Variants in HCRTR2 observed in about 807,000 individuals in gnomAD.
HCRTR2 encodes orexin receptor type 2.
Under a neutral mutation model 49.0 loss-of-function variants are expected in HCRTR2, and 22 were observed. The ratio of observed to expected loss-of-function variants is 0.45; its 90% confidence interval spans 0.32 to 0.64. HCRTR2 has a LOEUF of 0.64. Among genes scored for constraint, HCRTR2 ranks in the 30% least tolerant of loss-of-function variants. The pLI is 0.04. For synonymous variants in HCRTR2, 236 were observed against 205.3 expected, an observed-to-expected ratio of 1.15 and a Z score of -1.28; for missense variants, 491 against 559.4, an observed-to-expected ratio of 0.88 and a Z score of 1.23.
At chr6:55,220,923 A>G (rs1765877637) in intron 1 of HCRTR2, among the ~76,000 whole-genome samples, 1 of 152,196 alleles carries the variant, frequency 6.6e-6, no homozygotes, top group African/African-American at 2.4e-5. Context: ...AACTCTCTGA[A>G]AAAGACATTA....
intron 1 of HCRTR2, among the ~76,000 whole-genome samples, chr6:55,202,536 G>A (rs963766372): frequency 1.3e-5 from 2 of 152,122 alleles, no homozygotes; most frequent in African/African-American, 4.8e-5. Flanking sequence ...TTTGGAGACT[G>A]GGAAGTCCAA....
chr6:55,145,511 T>C (rs549405007), intron 1 of HCRTR2, among the ~76,000 whole-genome samples: 26 of 151,726 alleles, frequency 1.7e-4, no homozygotes, highest in East Asian at 1.4e-3. Flanking sequence ...CCCGGGTTCA[T>C]GCCATTCTCC....
chr6:55,213,762 C>T (rs956553728), intron 1 of HCRTR2, among the ~76,000 whole-genome samples: 4 of 152,138 alleles, frequency 2.6e-5, no homozygotes, highest in African/African-American at 9.7e-5. Flanking sequence ...TAGCTTCCGT[C>T]ATGCCTAAAT....
chr6:55,233,151 C>A (rs1374872250), intron 1 of HCRTR2, among the ~76,000 whole-genome samples: 1 of 151,194 alleles, frequency 6.6e-6, no homozygotes, highest in Non-Finnish European at 1.5e-5. Context: ...TGCAATGGTG[C>A]AATCTCAGCT....
intron 1 of HCRTR2, among the ~76,000 whole-genome samples, chr6:55,226,422 C>A (rs1766005455): frequency 1.3e-5 from 2 of 152,152 alleles, no homozygotes; most frequent in African/African-American, 4.8e-5. Flanking sequence ...GATTCTCCTG[C>A]CTCATCCTCC....
In HCRTR2 at chr6:55,198,284, A is replaced by G. The variant is rs1433397088; in HGVS notation, c.223+23474A>G. Among the ~76,000 whole-genome samples, 9 of 152,200 alleles carry G rather than the reference A, an allele frequency of 5.9e-5. No individual in the cohort carries two copies. In the East Asian group the frequency reaches 1.2e-3, roughly 20 times the overall value. ...ACTAACTCCAAACTTATCTTTAACT[A>G]TATCTCCAACCCTAACCCTAACATT... is the stretch of plus-strand genomic sequence containing the variant. On this transcript the variant is annotated intron_variant, in intron 1 of 6. Coordinates refer to ENST00000370862, the MANE Select transcript of HCRTR2 (RefSeq NM_001384272.1).
intron 1 of HCRTR2, among the ~76,000 whole-genome samples, chr6:55,162,372 C>T (rs561162729): frequency 2.6e-5 from 4 of 152,176 alleles, no homozygotes; most frequent in East Asian, 1.9e-4. Context: ...CAAACCCATA[C>T]CCAATATCAT....
chr6:55,262,267 A>C (rs1292962446), intron 3 of HCRTR2, among the ~76,000 whole-genome samples: 2 of 148,330 alleles, frequency 1.3e-5, no homozygotes, highest in Admixed American at 7.0e-5. Flanking sequence ...CGGAATAAAA[A>C]ATTAAAAAAA....
chr6:55,202,168 T>G (rs1305339388), intron 1 of HCRTR2, among the ~76,000 whole-genome samples: 1 of 152,196 alleles, frequency 6.6e-6, no homozygotes, highest in East Asian at 1.9e-4. Context: ...CTAAAACAGC[T>G]TTGGTGATCT....
chr6:55,193,603 A>G (rs150112411), intron 1 of HCRTR2, among the ~76,000 whole-genome samples: 42 of 151,710 alleles, frequency 2.8e-4, no homozygotes, highest in African/African-American at 9.4e-4. Flanking sequence ...TAGCAAACCA[A>G]AATTTATGGG....
At chr6:55,148,153 AAG>A (rs750536598) in intron 1 of HCRTR2, among the ~76,000 whole-genome samples, 2 of 152,152 alleles carry the variant, frequency 1.3e-5, no homozygotes, top group African/African-American at 2.4e-5. Context: ...CTAATATTGA[AAG>A]AGTGTTTAAA....
chr6:55,247,879 T>C (rs1283337540), intron 1 of HCRTR2, among the ~76,000 whole-genome samples: 2 of 152,118 alleles, frequency 1.3e-5, no homozygotes, highest in Non-Finnish European at 2.9e-5. Flanking sequence ...CTGGAACTTA[T>C]ATGTACTTTA....
chr6:55,140,514 C>T (rs972440283), intron 1 of HCRTR2, among the ~76,000 whole-genome samples: 4 of 152,138 alleles, frequency 2.6e-5, no homozygotes, highest in Admixed American at 2.0e-4. Flanking sequence ...GGAGAAATCC[C>T]TTTTGAAAAT....
At chr6:55,199,917 T>C (rs529948774) in intron 1 of HCRTR2, among the ~76,000 whole-genome samples, 178 of 152,314 alleles carry the variant, frequency 1.2e-3, no homozygotes, top group African/African-American at 4.2e-3. Context: ...ATGTGCCCAG[T>C]ACCTGAATGA....
At chr6:55,270,838 T>C (rs1208785050) in intron 4 of HCRTR2, among the ~76,000 whole-genome samples, 4 of 152,164 alleles carry the variant, frequency 2.6e-5, no homozygotes, top group African/African-American at 7.2e-5. Flanking sequence ...ATAAGGGATA[T>C]TCAATCGGTA....
intron 1 of HCRTR2, among the ~76,000 whole-genome samples, chr6:55,118,558 A>G (rs559892324): frequency 6.6e-6 from 1 of 152,006 alleles, no homozygotes. Flanking sequence ...CCGTGCCAGC[A>G]TCTGTTATGT....
At chr6:55,160,019 C>T (rs554221466) in intron 1 of HCRTR2, among the ~76,000 whole-genome samples, 8 of 152,074 alleles carry the variant, frequency 5.3e-5, no homozygotes, top group African/African-American at 1.9e-4. Flanking sequence ...GAAAAACAAC[C>T]CCAAGACACA....
At chr6:55,113,675 G>A (rs2127611386) in intron 1 of HCRTR2, among the ~76,000 whole-genome samples, 1 of 151,832 alleles carries the variant, frequency 6.6e-6, no homozygotes, top group East Asian at 1.9e-4. Flanking sequence ...GGTGAAAAGG[G>A]AACATTTTTA....
chr6:55,187,925 C>T (rs937631512), intron 1 of HCRTR2, among the ~76,000 whole-genome samples: 6 of 151,822 alleles, frequency 4.0e-5, no homozygotes, highest in African/African-American at 1.2e-4. Flanking sequence ...TACAGGCGCA[C>T]GCCACCATGC....
Sources: gnomAD v4.1 joint callset for allele counts (sites outside exome capture counted in the v4.1 genomes callset) on GRCh38, gnomAD v4.1.1 for gene constraint, MANE v1.5 for transcripts, NCBI Gene and HGNC (gene_info 2026-07-23, HGNC 2026-07-21) for gene names.